TBXAS1: variants seen among roughly 807,000 people sequenced by gnomAD.
The protein encoded by TBXAS1 is thromboxane A synthase 1, also known as thromboxane-A synthase.
A neutral mutation model predicts 60.7 loss-of-function variants in TBXAS1; 48 were observed. The observed-to-expected ratio is 0.79, with a 90% confidence interval of 0.63 to 1.01. The LOEUF (loss-of-function observed/expected upper bound fraction) is 1.01. Among genes scored for constraint, TBXAS1 ranks in the 50% least tolerant of loss-of-function variants. TBXAS1 has a pLI of 0.00. For missense variants in TBXAS1, 685 were observed against 686.3 expected, an observed-to-expected ratio of 1.00 and a Z score of 0.02; for synonymous variants, 287 against 269.7, an observed-to-expected ratio of 1.06 and a Z score of -0.63.
chr7:139,961,611 G>A (rs1025872576), intron 8 of TBXAS1, among the ~76,000 whole-genome samples: 2 of 152,198 alleles, frequency 1.3e-5, no homozygotes, highest in African/African-American at 4.8e-5. Flanking sequence ...GACCGGCTTT[G>A]TTTTTACTTA....
chr7:139,994,803 AAG>A (rs529304344), intron 9 of TBXAS1, among the ~76,000 whole-genome samples: 70 of 152,310 alleles, frequency 4.6e-4, no homozygotes, highest in African/African-American at 1.6e-3. Context: ...CCACGGAGAA[AAG>A]AGAGCTGTTC....
At chr7:139,905,045 T>TCTCTCTCTCTCTCTCTC (rs1569511453) in intron 3 of TBXAS1, among the ~76,000 whole-genome samples, 1 of 88,406 alleles carries the variant, frequency 1.1e-5, no homozygotes, top group African/African-American at 6.0e-5. Flanking sequence ...CTTTCTTTCT[T>TCTCTCTCTCTCTCTCTC]TCTTTCTTTC....
intron 1 of TBXAS1, among the ~76,000 whole-genome samples, chr7:139,845,772 A>G (rs1585615500): frequency 6.6e-6 from 1 of 151,832 alleles, no homozygotes; most frequent in East Asian, 1.9e-4. Context: ...CACTGCAACC[A>G]GCTTTCACCC....
intron 1 of TBXAS1, among the ~76,000 whole-genome samples, chr7:139,835,856 TA>T (rs1415669183): frequency 1.3e-5 from 2 of 152,072 alleles, no homozygotes; most frequent in Admixed American, 6.6e-5. Flanking sequence ...TTGCTGACAA[TA>T]CAATCGTTTA....
At chr7:139,902,042 G>A (rs937710248) in intron 3 of TBXAS1, among the ~76,000 whole-genome samples, 9 of 148,142 alleles carry the variant, frequency 6.1e-5, no homozygotes, top group Admixed American at 2.7e-4. Context: ...AACCTCTTGC[G>A]TGACTATAGT....
chr7:139,952,592 G>A (rs1809499314), intron 5 of TBXAS1: 1 of 1,537,138 alleles, frequency 6.5e-7, no homozygotes, highest in Non-Finnish European at 8.7e-7. Flanking sequence ...AAGGTCACAT[G>A]GGTGGCCAGC....
chr7:139,916,010 C>A lies in TBXAS1; in HGVS notation c.333+4689C>A, dbSNP rs1017671773. Among the ~76,000 whole-genome samples the A allele has an allele frequency of 6.6e-6, 1 of 152,150 alleles. No homozygotes were observed. Among genetic ancestry groups the A allele is most frequent in the African/African-American group, 2.4e-5 (1 of 41,434 alleles). On this transcript the variant is annotated intron_variant, in intron 4 of 12. Coordinates refer to ENST00000448866, the MANE Select transcript of TBXAS1 (RefSeq NM_001061.7). The surrounding 1 kb of genome is among the most constrained non-coding windows in gnomAD (Gnocchi z 4.2). ...TGCAACCACAGCTTATCATTAAACCCAAATCAATCTTCTTGGCACTTATAG... is the reference window on the plus strand; with the variant it reads ...TGCAACCACAGCTTATCATTAAACCAAAATCAATCTTCTTGGCACTTATAG...
intron 4 of TBXAS1, among the ~76,000 whole-genome samples, chr7:139,932,531 A>G (rs1354281644): frequency 6.6e-6 from 1 of 151,706 alleles, no homozygotes; most frequent in Admixed American, 6.6e-5. Flanking sequence ...TCCACTTCTC[A>G]GGGTCACAAA....
intron 1 of TBXAS1, among the ~76,000 whole-genome samples, chr7:139,849,399 A>G (rs112066495): frequency 6.6e-5 from 9 of 135,486 alleles, no homozygotes; most frequent in Non-Finnish European, 1.4e-4. Context: ...ACAAAAAACA[A>G]CAAAAAAAAA....
intron 9 of TBXAS1, among the ~76,000 whole-genome samples, chr7:139,984,863 AGAAAG>A (rs759720523): frequency 6.6e-6 from 1 of 150,516 alleles, no homozygotes; most frequent in Non-Finnish European, 1.5e-5. Flanking sequence ...GAAAGAAAGA[AGAAAG>A]AGAAAGAAAG....
At chr7:139,972,598 C>T (rs1375507387) in intron 9 of TBXAS1, among the ~76,000 whole-genome samples, 1 of 152,074 alleles carries the variant, frequency 6.6e-6, no homozygotes, top group African/African-American at 2.4e-5. Flanking sequence ...GTCGCTTTCA[C>T]ACCAGTGGAG....
chr7:139,929,679 G>A (rs1463218318), intron 4 of TBXAS1, among the ~76,000 whole-genome samples: 1 of 152,128 alleles, frequency 6.6e-6, no homozygotes. Context: ...CAAAACCCTT[G>A]GAGTCATCCT....
chr7:139,897,619 C>G (rs182737726), intron 3 of TBXAS1, among the ~76,000 whole-genome samples: 38 of 152,150 alleles, frequency 2.5e-4, no homozygotes, highest in African/African-American at 9.2e-4. Flanking sequence ...GGAAGAGGAC[C>G]AGGGATTGTA....
intron 9 of TBXAS1, 53 bp from the exon 10 acceptor site, chr7:140,007,038 T>C (rs1258112637): frequency 6.0e-5 from 89 of 1,486,440 alleles, no homozygotes; most frequent in Non-Finnish European, 8.0e-5. Flanking sequence ...GACAAAATGC[T>C]GTGAGATTTG....
intron 1 of TBXAS1, among the ~76,000 whole-genome samples, chr7:139,840,013 A>G (rs1026160930): frequency 5.3e-5 from 8 of 151,334 alleles, no homozygotes; most frequent in Admixed American, 5.3e-4. Flanking sequence ...GAGATTTCAG[A>G]TAGAGAGTGA....
chr7:139,888,817 T>A (rs1803325026), intron 3 of TBXAS1, among the ~76,000 whole-genome samples: 1 of 152,024 alleles, frequency 6.6e-6, no homozygotes. Flanking sequence ...AGGACAACCT[T>A]GGCAGTGGCA....
At chr7:139,900,036 A>G (rs1804445914) in intron 3 of TBXAS1, among the ~76,000 whole-genome samples, 1 of 152,218 alleles carries the variant, frequency 6.6e-6, no homozygotes, top group Admixed American at 6.5e-5. Context: ...CAGGCAATGC[A>G]CTTAGAATGA....
chr7:139,945,854 G>T (rs565004554), intron 5 of TBXAS1, among the ~76,000 whole-genome samples: 2 of 152,156 alleles, frequency 1.3e-5, no homozygotes, highest in African/African-American at 4.8e-5. Flanking sequence ...TCAAATGGCT[G>T]GCCTGATCTG....
chr7:139,796,501 C>T (rs964442007), intron 4 of TBXAS1, among the ~76,000 whole-genome samples: 2 of 152,206 alleles, frequency 1.3e-5, no homozygotes, highest in Admixed American at 1.3e-4. Flanking sequence ...GGGATGAACA[C>T]GTGGAGCACA....
Sources: allele counts gnomAD v4.1 joint callset (sites outside exome capture counted in the v4.1 genomes callset), GRCh38; gene constraint gnomAD v4.1.1; non-coding constraint Gnocchi (gnomAD v3.1); transcripts MANE v1.5; gene names NCBI Gene and HGNC (gene_info 2026-07-23, HGNC 2026-07-21).